Variants in TBCK observed in about 807,000 individuals in gnomAD.
TBCK encodes the protein TBC domain-containing protein kinase-like protein.
A neutral mutation model predicts 113.4 loss-of-function variants in TBCK; 99 were observed. The ratio of observed to expected loss-of-function variants is 0.87; its 90% CI spans 0.74 to 1.03. TBCK has a LOEUF of 1.03. TBCK is among the 50% of genes least tolerant of loss of function. TBCK has a pLI of 0.00. For synonymous variants in TBCK, 369 were observed against 370.8 expected (o/e 1.00, Z 0.05); for missense variants, 1,045 against 1,061.3 (o/e 0.98, Z 0.21).
intron 22 of TBCK, among the ~76,000 whole-genome samples, chr4:106,189,534 C>T (rs959136445): frequency 3.9e-5 from 6 of 152,006 alleles, no homozygotes; most frequent in Admixed American, 2.0e-4. Context: ...ATCATTTCTC[C>T]ATCCCATATC....
intron 20 of TBCK, among the ~76,000 whole-genome samples, chr4:106,204,588 C>G (rs940711842): frequency 9.2e-5 from 14 of 152,040 alleles, no homozygotes; most frequent in African/African-American, 3.4e-4. Flanking sequence ...TATTAAATAT[C>G]TCTTTTAAAA....
intron 23 of TBCK, among the ~76,000 whole-genome samples, chr4:106,160,589 A>G (rs1007188078): frequency 6.6e-6 from 1 of 151,354 alleles, no homozygotes; most frequent in African/African-American, 2.5e-5. Flanking sequence ...AAAAGAAGAA[A>G]AAAAGAAAAA....
intron 23 of TBCK, among the ~76,000 whole-genome samples, chr4:106,140,005 A>G (rs1470860715): frequency 7.1e-6 from 1 of 141,142 alleles, no homozygotes; most frequent in African/African-American, 2.5e-5. Flanking sequence ...TCAGCTATAT[A>G]ATAAGTGAAT....
At chr4:106,099,526 C>T (rs1741303288) in intron 24 of TBCK, among the ~76,000 whole-genome samples, 1 of 152,054 alleles carries the variant, frequency 6.6e-6, no homozygotes, top group Non-Finnish European at 1.5e-5. Flanking sequence ...CCACAGTTCT[C>T]TCATATATAC....
intron 22 of TBCK, among the ~76,000 whole-genome samples, chr4:106,171,510 T>C (rs75771248): frequency 0.034 from 5,142 of 152,248 alleles, 294 homozygotes; most frequent in African/African-American, 0.12. Context: ...TATGTTTTCA[T>C]GTGTGTCTTT....
At position 106,274,250 on chromosome 4, in the gene TBCK, G is replaced by A. The variant is rs75355502; in HGVS notation, c.267-12038C>T. On this transcript the variant is annotated intron_variant, in intron 3 of 25. Coordinates refer to ENST00000394708, the MANE Select transcript of TBCK (RefSeq NM_001163435.3). The stretch of plus-strand genomic sequence containing the variant: ...TAAATGGAACCTTTGTGCATTGCTA[G>A]TGGGATAGTAAGTGGTAGGGCTATC... Among the ~76,000 whole-genome samples the A allele has an allele frequency of 5.5e-3, 840 of 152,334 alleles. 5 individuals carry two copies. The highest frequency in any genetic ancestry group is 0.019 in the African/African-American group (807 of 41,576).
chr4:106,207,200 G>C (rs984940187), intron 20 of TBCK, among the ~76,000 whole-genome samples: 1 of 151,998 alleles, frequency 6.6e-6, no homozygotes, highest in African/African-American at 2.4e-5. Flanking sequence ...GTATAATCTA[G>C]GCATCACATC....
intron 22 of TBCK, among the ~76,000 whole-genome samples, chr4:106,175,664 T>C (rs1310327544): frequency 1.3e-5 from 2 of 152,034 alleles, no homozygotes; most frequent in African/African-American, 4.8e-5. Context: ...CCTCTCCATA[T>C]TTACCATTAA....
intron 21 of TBCK, among the ~76,000 whole-genome samples, chr4:106,194,099 G>A (rs1244919332): frequency 6.6e-6 from 1 of 151,906 alleles, no homozygotes; most frequent in Non-Finnish European, 1.5e-5. Flanking sequence ...GTAAAATAAC[G>A]TATCTATTAT....
chr4:106,138,069 A>G (rs1560706272), intron 23 of TBCK, among the ~76,000 whole-genome samples: 3 of 141,462 alleles, frequency 2.1e-5, no homozygotes, highest in Non-Finnish European at 1.6e-5. Context: ...ATTTACACAA[A>G]CAAAGATGGC....
chr4:106,046,723 G>A lies in TBCK; in HGVS notation c.2572-43C>T, dbSNP rs751534138. 4.1e-6 allele frequency: 4 copies of A among 986,238 alleles called. No individual in the cohort carries two copies. The Admixed American group carries it at 7.8e-5, about 19-fold the overall frequency. The allele number at this position is 986,238 out of a possible 1,614,324, so 61.1% of individuals were successfully genotyped here. The stretch of plus-strand genomic sequence containing the variant: ...CAAAATTTTTAGAGGATATACAGAA[G>A]ACATCTCCAACCTCATGTTTTTTCT... On this transcript the variant is annotated intron_variant, in intron 25 of 25. Coordinates refer to ENST00000394708, the MANE Select transcript of TBCK (RefSeq NM_001163435.3).
At chr4:106,144,764 C>A (rs962562441) in intron 23 of TBCK, among the ~76,000 whole-genome samples, 7 of 152,134 alleles carry the variant, frequency 4.6e-5, no homozygotes, top group African/African-American at 1.7e-4. Context: ...TGGCTCACGC[C>A]TGTAATCCCA....
At chr4:106,121,924 A>T (rs1383485804) in intron 23 of TBCK, among the ~76,000 whole-genome samples, 2 of 152,240 alleles carry the variant, frequency 1.3e-5, no homozygotes, top group Non-Finnish European at 2.9e-5. Context: ...AGAAAGCAGG[A>T]AAGATCTAAA....
chr4:106,115,627 T>A (rs148442996), intron 24 of TBCK, among the ~76,000 whole-genome samples: 1 of 152,156 alleles, frequency 6.6e-6, no homozygotes. Context: ...AATCTGAAGA[T>A]AATGAAAATA....
chr4:106,206,430 A>G (rs1459601558), intron 20 of TBCK, among the ~76,000 whole-genome samples: 1 of 152,204 alleles, frequency 6.6e-6, no homozygotes, highest in East Asian at 1.9e-4. Context: ...AGAGACTTTA[A>G]TAAGCCATTT....
intron 2 of TBCK, among the ~76,000 whole-genome samples, chr4:106,303,706 G>C (rs1033488261): frequency 3.9e-5 from 6 of 151,934 alleles, no homozygotes; most frequent in Admixed American, 3.9e-4. Flanking sequence ...CTTCCCTAGG[G>C]ACTTAACAAA....
At chr4:106,101,528 G>C (rs1741552133) in intron 24 of TBCK, among the ~76,000 whole-genome samples, 1 of 152,154 alleles carries the variant, frequency 6.6e-6, no homozygotes, top group Admixed American at 6.5e-5. Flanking sequence ...AAAGAGACAA[G>C]AGTAATACTA....
At chr4:106,064,068 GA>G (rs904126491) in intron 25 of TBCK, among the ~76,000 whole-genome samples, 1 of 151,782 alleles carries the variant, frequency 6.6e-6, no homozygotes, top group African/African-American at 2.4e-5. Context: ...GGAGAGGGGG[GA>G]AAAGCCTCAT....
intron 20 of TBCK, among the ~76,000 whole-genome samples, chr4:106,196,179 T>C (rs1754215288): frequency 6.6e-6 from 1 of 151,876 alleles, no homozygotes; most frequent in South Asian, 2.1e-4. Flanking sequence ...CATACACACA[T>C]ATATAGCTAT....
Sources: allele counts gnomAD v4.1 joint callset (sites outside exome capture counted in the v4.1 genomes callset), GRCh38; gene constraint gnomAD v4.1.1; transcripts MANE v1.5; gene names NCBI Gene and HGNC (gene_info 2026-07-23, HGNC 2026-07-21).